The following PTPRC variants were observed in gnomAD, a reference collection of about 807,000 sequenced individuals.
The protein encoded by PTPRC is protein tyrosine phosphatase receptor type C.
Under a neutral mutation model 155.9 loss-of-function variants are expected in PTPRC, and 44 were observed. The ratio of observed to expected loss-of-function variants is 0.28; its 90% CI spans 0.22 to 0.36. The LOEUF is 0.36. Ranked by LOEUF, PTPRC falls within the 10% of genes least tolerant of loss-of-function variation. The probability of loss-of-function intolerance (pLI) is 1.00; values close to 1 mark genes in which losing one functional copy is unlikely to be tolerated. For synonymous variants in PTPRC, 525 were observed against 533.1 expected (o/e 0.98, Z 0.21); for missense variants, 1,401 against 1,564.6 (o/e 0.90, Z 1.76).
intron 12 of PTPRC, among the ~76,000 whole-genome samples, chr1:198,714,817 T>G (rs1653493930): frequency 6.6e-6 from 1 of 152,214 alleles, no homozygotes; most frequent in Non-Finnish European, 1.5e-5. Context: ...GTCTATGAAA[T>G]TTGCAGTTTA....
chr1:198,696,164 G>T (rs1558003872), intron 3 of PTPRC, among the ~76,000 whole-genome samples: 1 of 138,464 alleles, frequency 7.2e-6, no homozygotes, highest in Non-Finnish European at 1.6e-5. Context: ...GTCTCAAAAA[G>T]AAAATATATA....
chr1:198,696,948 T>C, intron 4 of PTPRC, 39 bp downstream of exon 4: 1 of 1,533,686 alleles, frequency 6.5e-7, no homozygotes, highest in Non-Finnish European at 9.0e-7. Flanking sequence ...TATCAGGGAA[T>C]GTCATTTAGA....
At chr1:198,662,972 G>A (rs1008750146) in intron 2 of PTPRC, among the ~76,000 whole-genome samples, 1 of 152,152 alleles carries the variant, frequency 6.6e-6, no homozygotes, top group African/African-American at 2.4e-5. Flanking sequence ...TGGGAGGGAG[G>A]AGCTGAATTA....
Position 198,731,619 on chromosome 1 carries a change from G to T in PTPRC, c.1867G>T (p.Asp623Tyr). Reference sequence around the variant, plus strand: ...TTGAATCTTTAATATGTTTCCAGATGATGAAAAACAACTGATGAATGTGGA... The same window carrying T: ...TTGAATCTTTAATATGTTTCCAGATTATGAAAAACAACTGATGAATGTGGA... ...DEQQELVERD[D>Y]EKQLMNVEPI... is the part of the protein sequence containing the mutation. The change falls in exon 18 of 33, where the codon GAT becomes TAT. Residue 623 changes from aspartate to tyrosine, a missense_variant and splice_region_variant. By Grantham distance (160) the Asp-to-Tyr change is radical. Around this residue, in one of 3 missense-constraint regions of PTPRC, gnomAD observed 867 missense variants for 970.4 expected, o/e 0.89. Coordinates refer to ENST00000442510, the MANE Select transcript of PTPRC (RefSeq NM_002838.5). The T allele has an allele frequency of 6.2e-7, 1 of 1,601,026 alleles. No homozygotes were observed. Among genetic ancestry groups the T allele is most frequent in the East Asian group, 2.2e-5 (1 of 44,650 alleles).
At chr1:198,667,351 A>G (rs1007875536) in intron 2 of PTPRC, among the ~76,000 whole-genome samples, 1 of 152,228 alleles carries the variant, frequency 6.6e-6, no homozygotes, top group Non-Finnish European at 1.5e-5. Flanking sequence ...TAGCTTTGGA[A>G]TGTTTATCAT....
At chr1:198,721,009 T>C (rs1007614874) in intron 14 of PTPRC, among the ~76,000 whole-genome samples, 1 of 152,204 alleles carries the variant, frequency 6.6e-6, no homozygotes. Flanking sequence ...CTTCAAATCG[T>C]ATAAGTTACT....
At chr1:198,687,291 C>A (rs1356538592) in intron 2 of PTPRC, among the ~76,000 whole-genome samples, 9 of 152,076 alleles carry the variant, frequency 5.9e-5, no homozygotes, top group Admixed American at 5.9e-4. Flanking sequence ...TGGCCACAAC[C>A]AATCTCATCA....
At chr1:198,736,672 T>A (rs1178123363) in intron 23 of PTPRC, among the ~76,000 whole-genome samples, 1 of 151,684 alleles carries the variant, frequency 6.6e-6, no homozygotes, top group Non-Finnish European at 1.5e-5. Context: ...ATCTCTTCAA[T>A]CTACTGTTTC....
Position 198,656,596 on chromosome 1 carries a change from A to G in PTPRC, c.73+17255A>G, listed in dbSNP as rs3767739. On this transcript the variant is annotated intron_variant, in intron 2 of 32. Transcript: ENST00000442510. ...TGCCTGGCAATCAGTGCCAGAACAG[A>G]CAGCTAGTCTGATGAATTCTGCTAC... 6.8e-4 allele frequency among the ~76,000 whole-genome samples: 103 copies of G among 151,812 alleles called. 4 individuals are homozygous for G. The East Asian group carries it at 0.02, about 29-fold the overall frequency.
At chr1:198,683,373 C>G (rs1481894543) in intron 2 of PTPRC, among the ~76,000 whole-genome samples, 1 of 152,002 alleles carries the variant, frequency 6.6e-6, no homozygotes. Context: ...AAGCAAAGAG[C>G]TACAAAAACA....
chr1:198,740,889 T>C (rs1654870321), intron 23 of PTPRC, among the ~76,000 whole-genome samples: 1 of 151,888 alleles, frequency 6.6e-6, no homozygotes, highest in South Asian at 2.1e-4. Context: ...TTGTAGGGCT[T>C]TTAGTAATCT....
At chr1:198,721,755 T>C (rs1653898347) in intron 14 of PTPRC, among the ~76,000 whole-genome samples, 1 of 151,810 alleles carries the variant, frequency 6.6e-6, no homozygotes, top group South Asian at 2.1e-4. Flanking sequence ...ATATTCTCCA[T>C]AGGATAAAAG....
chr1:198,655,753 T>G (rs1420840389), intron 2 of PTPRC, among the ~76,000 whole-genome samples: 1 of 152,076 alleles, frequency 6.6e-6, no homozygotes, highest in Non-Finnish European at 1.5e-5. Context: ...CTCTGTAAAC[T>G]AGACACAGCA....
In PTPRC at chr1:198,722,866, G is replaced by A. The variant is rs973060229; in HGVS notation, c.1720+390G>A. Among the ~76,000 whole-genome samples the A allele has an allele frequency of 3.4e-4, 51 of 151,700 alleles. 1 individual carries two copies. The highest frequency in any genetic ancestry group is 1.0e-3 in the African/African-American group (43 of 41,434). On this transcript the variant is annotated intron_variant, in intron 15 of 32. Transcript: ENST00000442510. ...AGAAGTGGGCCTTAGATACAAGTCTGTCTTGATTTACTTAATGGAAGCTAA... is the reference window on the plus strand; with the variant it reads ...AGAAGTGGGCCTTAGATACAAGTCTATCTTGATTTACTTAATGGAAGCTAA...
intron 26 of PTPRC, among the ~76,000 whole-genome samples, chr1:198,746,017 G>A (rs1336011511): frequency 6.6e-6 from 1 of 151,846 alleles, no homozygotes; most frequent in Non-Finnish European, 1.5e-5. Context: ...AAGGTGGAAT[G>A]ATGAAAGTGG....
At chr1:198,751,944 G>A (rs1465569702) in intron 29 of PTPRC, among the ~76,000 whole-genome samples, 1 of 151,584 alleles carries the variant, frequency 6.6e-6, no homozygotes, top group Non-Finnish European at 1.5e-5. Context: ...TAAGCATGTG[G>A]AAAAGAGGAG....
chr1:198,688,290 A>C (rs1218004699), intron 2 of PTPRC, among the ~76,000 whole-genome samples: 2 of 152,314 alleles, frequency 1.3e-5, no homozygotes, highest in Admixed American at 1.3e-4. Context: ...TGAACATAGA[A>C]GAAAGGAAAA....
At chr1:198,671,051 T>G (rs1448356948) in intron 2 of PTPRC, among the ~76,000 whole-genome samples, 1 of 152,132 alleles carries the variant, frequency 6.6e-6, no homozygotes, top group Admixed American at 6.6e-5. Flanking sequence ...TATCAAAATG[T>G]CACATTGTAC....
intron 2 of PTPRC, among the ~76,000 whole-genome samples, chr1:198,641,539 A>G (rs780964034): frequency 6.6e-6 from 1 of 152,086 alleles, no homozygotes; most frequent in Non-Finnish European, 1.5e-5. Context: ...GCCAAAGTTA[A>G]TCTTTGCCAC....
Sources: allele counts gnomAD v4.1 joint callset (sites outside exome capture counted in the v4.1 genomes callset), GRCh38; gene constraint gnomAD v4.1.1; regional missense constraint gnomAD v4.1.1; transcripts MANE v1.5; gene names NCBI Gene and HGNC (gene_info 2026-07-23, HGNC 2026-07-21).